SPOCK1: variants seen among roughly 807,000 people sequenced by gnomAD.
SPOCK1 encodes SPARC (osteonectin), cwcv and kazal like domains proteoglycan 1.
In SPOCK1, 23 loss-of-function variants were observed where a neutral mutation model predicts 55.3. That is an observed-to-expected ratio of 0.42 (90% CI 0.30 to 0.59). SPOCK1 has a LOEUF of 0.59. SPOCK1 is among the 20% of genes least tolerant of loss of function. The pLI, the probability that SPOCK1 is intolerant of heterozygous loss-of-function variation, is 0.22. For missense variants in SPOCK1, 499 were observed against 552.5 expected (o/e 0.90, Z 0.97); for synonymous variants, 226 against 221.0 (o/e 1.02, Z -0.20).
chr5:136,992,454 G>A (rs1314417675), intron 7 of SPOCK1, 30 bp downstream of exon 7: 2 of 1,529,634 alleles, frequency 1.3e-6, no homozygotes, highest in East Asian at 2.3e-5. Context: ...CTAATAAATT[G>A]AGGAAATGTG....
At chr5:137,441,930 G>C (rs1753023028) in intron 2 of SPOCK1, among the ~76,000 whole-genome samples, 1 of 152,182 alleles carries the variant, frequency 6.6e-6, no homozygotes, top group South Asian at 2.1e-4. Context: ...CATGTCCCCT[G>C]CAAGAATAAA....
intron 3 of SPOCK1, among the ~76,000 whole-genome samples, chr5:137,168,556 C>T (rs1450472116): frequency 1.3e-5 from 2 of 152,042 alleles, no homozygotes; most frequent in African/African-American, 4.8e-5. Context: ...TCTGAATAAA[C>T]ATTTCTCAAA....
At chr5:137,346,590 T>C (rs1229733) in intron 2 of SPOCK1, among the ~76,000 whole-genome samples, 25,485 of 152,224 alleles carry the variant, frequency 0.17, 2,793 homozygotes, top group Middle Eastern at 0.28. Context: ...ACGAAAATGA[T>C]GCCTGAACTG....
At chr5:137,401,863 C>T (rs953426542) in intron 2 of SPOCK1, among the ~76,000 whole-genome samples, 14 of 152,114 alleles carry the variant, frequency 9.2e-5, no homozygotes, top group Middle Eastern at 3.2e-3. Flanking sequence ...ACAAACTCCC[C>T]ACACCTTCTC....
At chr5:137,339,946 T>C (rs1750381220) in intron 2 of SPOCK1, among the ~76,000 whole-genome samples, 1 of 152,176 alleles carries the variant, frequency 6.6e-6, no homozygotes, top group Non-Finnish European at 1.5e-5. Flanking sequence ...AGCTCAGGTG[T>C]GATGTGTGCT....
intron 3 of SPOCK1, among the ~76,000 whole-genome samples, chr5:137,162,479 C>A (rs1327406146): frequency 6.6e-6 from 1 of 152,030 alleles, no homozygotes; most frequent in Non-Finnish European, 1.5e-5. Flanking sequence ...AGAATGTGTG[C>A]CTAAATCAGA....
At chr5:137,370,594 G>A (rs150291277) in intron 2 of SPOCK1, among the ~76,000 whole-genome samples, 18 of 152,254 alleles carry the variant, frequency 1.2e-4, no homozygotes, top group African/African-American at 2.6e-4. Flanking sequence ...AATGTCCTGC[G>A]GCAACAGAAA....
intron 2 of SPOCK1, among the ~76,000 whole-genome samples, chr5:137,378,031 G>A (rs554764227): frequency 3.0e-5 from 4 of 133,254 alleles, no homozygotes; most frequent in African/African-American, 5.6e-5. Context: ...CGCAACCTCC[G>A]CCTACTGGGT....
At chr5:137,010,463 C>G (rs1751329455) in intron 6 of SPOCK1, among the ~76,000 whole-genome samples, 1 of 151,836 alleles carries the variant, frequency 6.6e-6, no homozygotes, top group South Asian at 2.1e-4. Context: ...GTGTGGGACA[C>G]TATGATGTAG....
intron 3 of SPOCK1, among the ~76,000 whole-genome samples, chr5:137,263,372 GAAGC>G: frequency 6.6e-6 from 1 of 152,308 alleles, no homozygotes; most frequent in East Asian, 1.9e-4. Context: ...TCCCCACTGA[GAAGC>G]ACTAACCTCA....
intron 6 of SPOCK1, among the ~76,000 whole-genome samples, chr5:137,005,182 G>T (rs1751223790): frequency 6.6e-6 from 1 of 152,126 alleles, no homozygotes; most frequent in Non-Finnish European, 1.5e-5. Context: ...TTTATAGGAG[G>T]CCATCTGTCA....
intron 2 of SPOCK1, among the ~76,000 whole-genome samples, chr5:137,348,889 C>T (rs1004316312): frequency 1.1e-4 from 17 of 152,136 alleles, no homozygotes; most frequent in African/African-American, 4.1e-4. Flanking sequence ...GCAACAACTT[C>T]AATAACCCAC....
intron 5 of SPOCK1, among the ~76,000 whole-genome samples, chr5:137,073,961 G>A (rs1383913668): frequency 6.6e-6 from 1 of 152,164 alleles, no homozygotes; most frequent in African/African-American, 2.4e-5. Context: ...AATACCACTG[G>A]CGGCGGGACA....
Position 137,267,005 on chromosome 5 carries a change from A to G in SPOCK1, c.232+5T>C. On this transcript the variant is annotated splice_donor_5th_base_variant and intron_variant, in intron 3 of 10. Transcript: ENST00000394945. ...CTATACAGCAAGAAATATTGCATCC[A>G]TTACCTTGGTCAAAGGGCTTGTTGG... The G allele has an allele frequency of 8.1e-6, 13 of 1,611,608 alleles. No homozygotes were observed. Among genetic ancestry groups the G allele is most frequent in the Non-Finnish European group, 1.1e-5 (13 of 1,177,826 alleles).
chr5:137,052,228 C>G (rs1355506551), intron 6 of SPOCK1, among the ~76,000 whole-genome samples: 1 of 152,166 alleles, frequency 6.6e-6, no homozygotes, highest in Non-Finnish European at 1.5e-5. Flanking sequence ...GACTTCCTAC[C>G]ACTTGACTCA....
intron 6 of SPOCK1, among the ~76,000 whole-genome samples, chr5:137,038,137 C>T (rs1751921573): frequency 6.6e-6 from 1 of 152,174 alleles, no homozygotes. Flanking sequence ...CTGAATGATT[C>T]CTCTCCTCTG....
chr5:137,208,703 C>A (rs544459937), intron 3 of SPOCK1, among the ~76,000 whole-genome samples: 1 of 152,148 alleles, frequency 6.6e-6, no homozygotes, highest in East Asian at 1.9e-4. Flanking sequence ...GTGGAGACAG[C>A]TACAGGTGGG....
At chr5:137,138,617 G>A in intron 4 of SPOCK1, among the ~76,000 whole-genome samples, 1 of 151,564 alleles carries the variant, frequency 6.6e-6, no homozygotes, top group East Asian at 1.9e-4. Flanking sequence ...CCCTCCATCC[G>A]AGAAGAAAGA....
intron 2 of SPOCK1, among the ~76,000 whole-genome samples, chr5:137,348,187 T>C (rs1260375576): frequency 6.6e-6 from 1 of 152,118 alleles, no homozygotes; most frequent in Non-Finnish European, 1.5e-5. Context: ...AATGAACAAA[T>C]GAAGAAGGTA....
Sources: allele counts gnomAD v4.1 joint callset (sites outside exome capture counted in the v4.1 genomes callset), GRCh38; gene constraint gnomAD v4.1.1; transcripts MANE v1.5; gene names NCBI Gene and HGNC (gene_info 2026-07-23, HGNC 2026-07-21).